ZNF366: variants seen among roughly 807,000 people sequenced by gnomAD.
The protein encoded by ZNF366 is zinc finger protein 366, also known as dendritic cell-specific transcript protein.
Under a neutral mutation model 47.2 loss-of-function variants are expected in ZNF366, and 20 were observed. The observed-to-expected ratio is 0.42, with a 90% CI of 0.30 to 0.62. The LOEUF (loss-of-function observed/expected upper bound fraction) is 0.62, where lower values mean the gene tolerates loss of function less well. Among genes scored for constraint, ZNF366 ranks in the 20% least tolerant of loss-of-function variants. ZNF366 has a pLI of 0.16. For synonymous variants in ZNF366, 421 were observed against 395.1 expected (o/e 1.07, Z -0.78); for missense variants, 987 against 976.3 (o/e 1.01, Z -0.15).
chr5:72,483,603 G>A (rs947394277), intron 1 of ZNF366, among the ~76,000 whole-genome samples: 10 of 152,214 alleles, frequency 6.6e-5, no homozygotes, highest in East Asian at 5.8e-4. Flanking sequence ...GTGATATATC[G>A]CCATGCTCCC....
At chr5:72,468,269 AAG>A (rs1031840042) in intron 1 of ZNF366, among the ~76,000 whole-genome samples, 1 of 152,172 alleles carries the variant, frequency 6.6e-6, no homozygotes, top group African/African-American at 2.4e-5. Context: ...TAGAACCAAA[AAG>A]AGGTAACCCG....
At chr5:72,451,199 C>T (rs767628061) in intron 3 of ZNF366, among the ~76,000 whole-genome samples, 13 of 152,252 alleles carry the variant, frequency 8.5e-5, no homozygotes, top group East Asian at 5.8e-4. Context: ...GATCTCATTG[C>T]GCAGGTGCGC....
chr5:72,497,015 C>T (rs1261929267), intron 1 of ZNF366, among the ~76,000 whole-genome samples: 1 of 152,000 alleles, frequency 6.6e-6, no homozygotes, highest in African/African-American at 2.4e-5. Flanking sequence ...TAAAACAAGT[C>T]CTTTATCAGA....
Position 72,443,929 on chromosome 5 carries a change from C to T in ZNF366, c.2062G>A (p.Gly688Ser), listed in dbSNP as rs769233045. The change falls in exon 5 of 5, where the codon GGC becomes AGC. Residue 688 changes from glycine to serine, a missense_variant. This residue lies in a region of ZNF366 where 285 missense variants were observed against 234.8 expected (regional missense o/e 1.21). Transcript: ENST00000318442. Reference sequence around the variant, plus strand: ...CTGCCGGCACAGTCTCTCTCCTGGCCGCCCTCTGCCCCAAGGTCACCCTTG... The same window carrying T: ...CTGCCGGCACAGTCTCTCTCCTGGCTGCCCTCTGCCCCAAGGTCACCCTTG... ...RSKGDLGAEG[G>S]QERDCAGRDE... 5 of 1,614,206 alleles carry T rather than the reference C, an allele frequency of 3.1e-6. No homozygotes were observed. Among genetic ancestry groups the T allele is most frequent in the Non-Finnish European group, 4.2e-6 (5 of 1,180,042 alleles).
intron 4 of ZNF366, among the ~76,000 whole-genome samples, chr5:72,445,654 G>A (rs1293955380): frequency 6.6e-6 from 1 of 152,200 alleles, no homozygotes; most frequent in Non-Finnish European, 1.5e-5. Context: ...TTGAGCAGCA[G>A]TGTGGGGTAA....
intron 3 of ZNF366, among the ~76,000 whole-genome samples, chr5:72,449,500 G>A (rs1416283159): frequency 6.6e-6 from 1 of 152,202 alleles, no homozygotes. Flanking sequence ...GCCTCCCAAA[G>A]TGCTGGGATT....
At chr5:72,490,379 G>A (rs1186633637) in intron 1 of ZNF366, among the ~76,000 whole-genome samples, 3 of 152,100 alleles carry the variant, frequency 2.0e-5, no homozygotes, top group Non-Finnish European at 4.4e-5. Context: ...AAAATTTTGA[G>A]AATAAGGGAA....
chr5:72,501,999 G>A (rs75598674), intron 1 of ZNF366, among the ~76,000 whole-genome samples: 1 of 152,004 alleles, frequency 6.6e-6, no homozygotes, highest in Admixed American at 6.5e-5. Flanking sequence ...CATCAAGCTG[G>A]CAGTTTGGCA....
chr5:72,476,967 C>T (rs1208172217), intron 1 of ZNF366, among the ~76,000 whole-genome samples: 3 of 152,050 alleles, frequency 2.0e-5, no homozygotes, highest in Admixed American at 2.0e-4. Flanking sequence ...TGGAAATCAC[C>T]TCCATATGCT....
chr5:72,472,004 G>T (rs1328776079), intron 1 of ZNF366, among the ~76,000 whole-genome samples: 1 of 152,148 alleles, frequency 6.6e-6, no homozygotes, highest in African/African-American at 2.4e-5. Context: ...TGGGCATACA[G>T]TTTTATGACC....
At chr5:72,479,682 A>G (rs1263716742) in intron 1 of ZNF366, among the ~76,000 whole-genome samples, 2 of 152,332 alleles carry the variant, frequency 1.3e-5, no homozygotes, top group East Asian at 1.9e-4. Context: ...TTCAAGTAAC[A>G]CCAGATTCCT....
intron 1 of ZNF366, among the ~76,000 whole-genome samples, chr5:72,486,221 C>G (rs1743890064): frequency 6.6e-6 from 1 of 152,188 alleles, no homozygotes; most frequent in African/African-American, 2.4e-5. Context: ...CATCTGTTGA[C>G]TGTGAGACTA....
intron 3 of ZNF366, among the ~76,000 whole-genome samples, chr5:72,453,922 T>C (rs772469489): frequency 9.2e-5 from 14 of 152,210 alleles, no homozygotes; most frequent in Admixed American, 5.9e-4. Flanking sequence ...TGTCTGATGA[T>C]AGATGACACT....
rs561771967 is a variant in ZNF366, at chr5:72,447,820, T to C, written c.1525-403A>G. On this transcript the variant is annotated intron_variant, in intron 3 of 4. Coordinates refer to ENST00000318442, the MANE Select transcript of ZNF366 (RefSeq NM_152625.3). ...GCATTGTTCTAAGTCTACCATGGAA[T>C]ATCTTATTTAATTCTCACACCAATC... 1.8e-4 allele frequency among the ~76,000 whole-genome samples: 27 copies of C among 152,358 alleles called. 1 individual carries two copies. The South Asian group carries it at 5.2e-3, about 29-fold the overall frequency.
intron 3 of ZNF366, among the ~76,000 whole-genome samples, chr5:72,452,725 C>T (rs542309356): frequency 3.9e-5 from 6 of 152,352 alleles, no homozygotes; most frequent in East Asian, 3.9e-4. Flanking sequence ...AGGCAGCTGC[C>T]GGCTTCACCC....
Position 72,460,151 on chromosome 5 carries a change from A to C in ZNF366, c.1332+14T>G, listed in dbSNP as rs763913711. The C allele has an allele frequency of 5.6e-6, 9 of 1,610,786 alleles. No homozygotes were observed. On this transcript the variant is annotated intron_variant, in intron 2 of 4. Coordinates refer to ENST00000318442, the MANE Select transcript of ZNF366 (RefSeq NM_152625.3). ...CCCAAGGCCCCGTCCGCCCCACCAG[A>C]GGCCCCGCAGTACCTTGTGGGTGAG...
In ZNF366 at chr5:72,443,615, C is replaced by A; in HGVS notation, c.*141G>T. The A allele has an allele frequency of 1.1e-6, 1 of 927,436 alleles. No individual in the cohort carries two copies. Among genetic ancestry groups the A allele is most frequent in the Non-Finnish European group, 1.6e-6 (1 of 634,052 alleles). The allele number at this position is 927,436 out of a possible 1,614,324, so 57.5% of individuals were successfully genotyped here. On this transcript the variant is annotated 3_prime_UTR_variant, in exon 5 of 5. Transcript: ENST00000318442. ...ATGACCTGAGAAGGCTTTCCATTAC[C>A]TACATCCCTGCTCATTTAGTCTAAG...
chr5:72,445,352 A>T (rs1491000500), intron 4 of ZNF366, among the ~76,000 whole-genome samples: 1 of 92,714 alleles, frequency 1.1e-5, no homozygotes, highest in East Asian at 3.9e-4. Flanking sequence ...CAGCCAGACC[A>T]GGCTTCTGGG....
intron 1 of ZNF366, among the ~76,000 whole-genome samples, chr5:72,487,799 A>G (rs1481148345): frequency 6.6e-6 from 1 of 152,192 alleles, no homozygotes; most frequent in Non-Finnish European, 1.5e-5. Flanking sequence ...ATTTTGCAAA[A>G]TGCAAAATAC....
Sources: allele counts gnomAD v4.1 joint callset (sites outside exome capture counted in the v4.1 genomes callset), GRCh38; gene constraint gnomAD v4.1.1; regional missense constraint gnomAD v4.1.1; transcripts MANE v1.5; gene names NCBI Gene and HGNC (gene_info 2026-07-23, HGNC 2026-07-21).